Variants in USP39 observed in about 807,000 individuals in gnomAD.
The protein encoded by USP39 is ubiquitin carboxyl-terminal hydrolase 39.
A neutral mutation model predicts 66.4 loss-of-function variants in USP39; 38 were observed. The ratio of observed to expected loss-of-function variants is 0.57; its 90% CI spans 0.44 to 0.75. USP39 has a LOEUF of 0.75. USP39 is among the 30% of genes least tolerant of loss of function. USP39 has a pLI of 0.00. For missense variants in USP39, 608 were observed against 714.4 expected, an observed-to-expected ratio of 0.85 and a Z score of 1.70; for synonymous variants, 303 against 274.6, an observed-to-expected ratio of 1.10 and a Z score of -1.02.
Position 85,629,282 on chromosome 2 carries a change from G to A in USP39, c.724-1439G>A, listed in dbSNP as rs569424994. 4.0e-5 allele frequency among the ~76,000 whole-genome samples: 6 copies of A among 151,448 alleles called. No homozygotes were observed. In the South Asian group the frequency reaches 1.3e-3, roughly 32 times the overall value. The stretch of plus-strand genomic sequence containing the variant: ...CACCATGTTGGCCTGGCAGGTCTTG[G>A]ACTCCTGACCTCAAGTGATCCGCCC... On this transcript the variant is annotated intron_variant, in intron 5 of 12. Coordinates refer to ENST00000323701, the MANE Select transcript of USP39 (RefSeq NM_006590.4).
At chr2:85,628,272 A>C (rs917960650) in intron 5 of USP39, among the ~76,000 whole-genome samples, 1 of 151,988 alleles carries the variant, frequency 6.6e-6, no homozygotes, top group African/African-American at 2.4e-5. Flanking sequence ...CAGCCTCCCG[A>C]GTAGCTGGGA....
At chr2:85,605,271 GTTTA>G (rs1309395773) in intron 1 of USP39, among the ~76,000 whole-genome samples, 7 of 152,006 alleles carry the variant, frequency 4.6e-5, no homozygotes, top group East Asian at 1.9e-4. Flanking sequence ...AAAATCGTAA[GTTTA>G]TTTGTTAAAA....
upstream of USP39, among the ~76,000 whole-genome samples, chr2:85,615,218 A>G (rs948177789): frequency 6.6e-5 from 10 of 152,044 alleles, no homozygotes. Flanking sequence ...ATGGGGTTTC[A>G]CCATATTGGC....
At chr2:85,640,945 C>G (rs1558871892) in intron 9 of USP39, 31 bp from the exon 10 acceptor site, 10 of 1,582,370 alleles carry the variant, frequency 6.3e-6, no homozygotes, top group Non-Finnish European at 7.7e-6. Flanking sequence ...AACTTCAGCA[C>G]TAATTTGAGA....
chr2:85,612,000 C>T, upstream of USP39: 3 of 1,503,158 alleles, frequency 2.0e-6, no homozygotes, highest in Non-Finnish European at 2.6e-6. Flanking sequence ...GCCGGGGACG[C>T]AGAGTCGCCG....
upstream of USP39, chr2:85,611,813 G>T: frequency 1.2e-6 from 2 of 1,608,964 alleles, no homozygotes; most frequent in Non-Finnish European, 1.7e-6. Flanking sequence ...GGGAGTCAGG[G>T]ACTGTCGGGC....
At chr2:85,627,613 G>A (rs1674972821) in intron 5 of USP39, among the ~76,000 whole-genome samples, 1 of 150,802 alleles carries the variant, frequency 6.6e-6, no homozygotes, top group Non-Finnish European at 1.5e-5. Flanking sequence ...AACATAGCGA[G>A]ACCCTGTCTC....
intron 2 of USP39, 130 bp from the exon 3 acceptor site, chr2:85,621,355 G>A: frequency 4.2e-6 from 3 of 706,104 alleles, no homozygotes; most frequent in East Asian, 2.7e-5. Context: ...CCCCCATGGT[G>A]TATATATGGT....
chr2:85,631,824 C>T (rs1675366289), intron 6 of USP39, among the ~76,000 whole-genome samples: 1 of 152,104 alleles, frequency 6.6e-6, no homozygotes, highest in South Asian at 2.1e-4. Context: ...TCTCTGCTCA[C>T]TGCAACCTCT....
At chr2:85,603,042 T>C (rs1344214264) in exon 1 of USP39, 1 of 152,142 alleles carries the variant, frequency 6.6e-6, no homozygotes, top group African/African-American at 2.4e-5. Context: ...GGAGCGTCTC[T>C]CCGCCACTGC....
intron 1 of USP39, among the ~76,000 whole-genome samples, chr2:85,604,085 G>A (rs1198489880): frequency 6.6e-6 from 1 of 152,168 alleles, no homozygotes; most frequent in East Asian, 1.9e-4. Context: ...TGAGGCAAAG[G>A]CTATGTGAAA....
chr2:85,619,204 A>T lies in USP39; in HGVS notation c.269-16A>T. On this transcript the variant is annotated splice_polypyrimidine_tract_variant and intron_variant, in intron 1 of 12. Transcript: ENST00000323701. ...AGGTTTCCCATTTTCAAAGCCTGTG[A>T]TGATTTTCCTTTCAGCAAAGAATGG... 6.2e-7 allele frequency: 1 copy of T among 1,613,690 alleles called. No homozygotes were observed. The highest frequency in any genetic ancestry group is 8.5e-7 in the Non-Finnish European group (1 of 1,179,898).
chr2:85,646,635 CA>C (rs1261041676), intron 11 of USP39, among the ~76,000 whole-genome samples: 1 of 152,146 alleles, frequency 6.6e-6, no homozygotes. Context: ...TTGTAATATC[CA>C]GAGGATCTGG....
intron 2 of USP39, among the ~76,000 whole-genome samples, chr2:85,620,948 CTATTTG>C (rs1674413846): frequency 7.6e-6 from 1 of 131,650 alleles, no homozygotes; most frequent in African/African-American, 4.5e-5. Flanking sequence ...ATTCTTCAGG[CTATTTG>C]TTTTTATGGA....
At chr2:85,637,466 G>C (rs1217259460) in intron 8 of USP39, 30 bp downstream of exon 8, 8 of 1,608,640 alleles carry the variant, frequency 5.0e-6, no homozygotes, top group Non-Finnish European at 6.8e-6. Context: ...GTCTTGGACT[G>C]ATTCATATTG....
intron 1 of USP39, among the ~76,000 whole-genome samples, chr2:85,618,016 C>T (rs1179139639): frequency 2.0e-5 from 3 of 151,178 alleles, no homozygotes; most frequent in Non-Finnish European, 4.4e-5. Context: ...TGCAATGGCA[C>T]GATCTCAGCT....
At chr2:85,630,632 A>C (rs371360193) in intron 5 of USP39, 89 bp from the exon 6 acceptor site, 1 of 1,316,640 alleles carries the variant, frequency 7.6e-7, no homozygotes. Context: ...GCACATCACA[A>C]ATTCTATTAG....
intron 3 of USP39, among the ~76,000 whole-genome samples, chr2:85,622,128 T>C (rs1312543221): frequency 6.6e-6 from 1 of 151,040 alleles, no homozygotes; most frequent in East Asian, 2.0e-4. Context: ...CCTAATTTTT[T>C]TTTTTTTTAA....
intron 6 of USP39, among the ~76,000 whole-genome samples, chr2:85,631,889 C>T (rs911400593): frequency 5.3e-5 from 8 of 152,008 alleles, no homozygotes; most frequent in South Asian, 4.2e-4. Flanking sequence ...GCTGGGATTA[C>T]AGGTGCCCGC....
Sources: gnomAD v4.1 joint callset for allele counts (sites outside exome capture counted in the v4.1 genomes callset) on GRCh38, gnomAD v4.1.1 for gene constraint, MANE v1.5 for transcripts, NCBI Gene and HGNC (gene_info 2026-07-23, HGNC 2026-07-21) for gene names.